Variants in LAMA5 observed in about 807,000 individuals in gnomAD.
The protein encoded by LAMA5 is laminin subunit alpha 5, also known as laminin subunit alpha-5.
Under a neutral mutation model 433.4 loss-of-function variants are expected in LAMA5, and 260 were observed. The observed-to-expected ratio is 0.60, with a 90% CI of 0.54 to 0.66. The LOEUF (loss-of-function observed/expected upper bound fraction) is 0.66, where lower values mean the gene tolerates loss of function less well. LAMA5 is among the 30% of genes least tolerant of loss of function. The pLI, the probability that LAMA5 is intolerant of heterozygous loss-of-function variation, is 0.00. For missense variants in LAMA5, 5,378 were observed against 5,258.5 expected (o/e 1.02, Z -0.70); for synonymous variants, 2,620 against 2,226.6 (o/e 1.18, Z -4.97).
chr20:62,348,644 CATA>C (rs1174259717), intron 6 of LAMA5, among the ~76,000 whole-genome samples: 3 of 151,824 alleles, frequency 2.0e-5, no homozygotes, highest in East Asian at 1.9e-4. Context: ...AAATCTAAAA[CATA>C]ATAATAAAAA....
intron 11 of LAMA5, among the ~76,000 whole-genome samples, chr20:62,344,705 T>C (rs1352705899): frequency 6.6e-6 from 1 of 151,864 alleles, no homozygotes; most frequent in Non-Finnish European, 1.5e-5. Context: ...TGCCTCAGCC[T>C]CCCAAAGTGC....
At chr20:62,365,505 G>T (rs547547936) in intron 1 of LAMA5, among the ~76,000 whole-genome samples, 5 of 152,252 alleles carry the variant, frequency 3.3e-5, no homozygotes, top group Admixed American at 6.5e-5. Context: ...GGCAGGCTGT[G>T]GGGGGGTGGT....
In LAMA5 at chr20:62,309,706, C is replaced by G. The variant is rs758656514; in HGVS notation, c.10948+10G>C. The G allele has an allele frequency of 1.3e-6, 2 of 1,576,918 alleles. No individual in the cohort carries two copies. The highest frequency in any genetic ancestry group is 1.4e-5 in the African/African-American group (1 of 72,146). ...GCAGCTCCCCCACCCTTGATCAAGG[C>G]CGCACTCACCAGGCAGGCCCCCGAG... is the stretch of plus-strand genomic sequence containing the variant. On this transcript the variant is annotated intron_variant, in intron 79 of 79. Coordinates refer to ENST00000252999, the MANE Select transcript of LAMA5 (RefSeq NM_005560.6).
In LAMA5 at chr20:62,319,736, GC is replaced by G; in HGVS notation, c.6818del (p.Gly2273AlafsTer17). The G allele has an allele frequency of 6.5e-7, 1 of 1,549,002 alleles. No homozygotes were observed. The part of the protein sequence containing the change: ...QLLAGTEATL[G>X]HAKTLLAAIR... ...TGGCCGCCAACAGCGTCTTCGCATG[GC>G]CCAGTGTGGCCTCGGTGCCGGCCAG... On this transcript the variant is annotated frameshift_variant, in exon 51 of 80. Coordinates refer to ENST00000252999, the MANE Select transcript of LAMA5 (RefSeq NM_005560.6). LOFTEE classifies it high-confidence loss of function.
At chr20:62,334,893 A>G (rs1981283005) in intron 20 of LAMA5, 128 bp downstream of exon 20, 4 of 863,264 alleles carry the variant, frequency 4.6e-6, no homozygotes, top group African/African-American at 1.7e-5. Context: ...GCTGGCACCA[A>G]GGGGCAGCCA....
In LAMA5 at chr20:62,330,849, G is replaced by C. The variant is rs751199114; in HGVS notation, c.3746C>G (p.Thr1249Ser). 103 of 1,541,602 alleles carry C rather than the reference G, an allele frequency of 6.7e-5. No homozygotes were observed. Among genetic ancestry groups the C allele is most frequent in the South Asian group, 2.0e-4 (17 of 83,234 alleles). ...GGCTGGAGTGAGATCCTGCGCGTGGGTCAGCGGGAGGCCGGGCGGCAGCGG... is the reference window on the plus strand; with the variant it reads ...GGCTGGAGTGAGATCCTGCGCGTGGCTCAGCGGGAGGCCGGGCGGCAGCGG... Reference protein sequence around the residue: ...VIPLPPGLPLTHAQDLTPAMS... With the variant: ...VIPLPPGLPLSHAQDLTPAMS... The change falls in exon 30 of 80, where the codon ACC (threonine) becomes AGC (serine). Residue 1249 changes from threonine (T) to serine (S), a missense_variant. Physicochemically the swap from Thr to Ser is moderately conservative, Grantham distance 58. Coordinates refer to ENST00000252999, the MANE Select transcript of LAMA5 (RefSeq NM_005560.6).
At chr20:62,337,020 G>A (rs1351946993) in intron 16 of LAMA5, 5 of 676,810 alleles carry the variant, frequency 7.4e-6, no homozygotes, top group Admixed American at 4.1e-5. Flanking sequence ...CGTGCACCGC[G>A]TGGGGTACCC....
intron 11 of LAMA5, among the ~76,000 whole-genome samples, chr20:62,343,697 A>T (rs1487354330): frequency 6.8e-6 from 1 of 147,428 alleles, no homozygotes; most frequent in Admixed American, 6.8e-5. Flanking sequence ...AATCACTTGA[A>T]CTCGGGGGGC....
chr20:62,323,994 G>A, intron 43 of LAMA5, 86 bp downstream of exon 43: 3 of 1,425,166 alleles, frequency 2.1e-6, no homozygotes, highest in South Asian at 2.9e-5. Context: ...CCAGGCCTCT[G>A]CAGAGGGCAG....
Position 62,326,807 on chromosome 20 carries a change from C to T in LAMA5, c.5215-47G>A, listed in dbSNP as rs372893636. On this transcript the variant is annotated intron_variant, in intron 39 of 79. Coordinates refer to ENST00000252999, the MANE Select transcript of LAMA5 (RefSeq NM_005560.6). ...TGAGGGTTGGCACGGGCCTGGACCA[C>T]GGTGCCACTGCGCCACGCCCACCCA... 191 of 1,602,960 alleles carry T rather than the reference C, an allele frequency of 1.2e-4. 1 individual carries two copies. The highest frequency in any genetic ancestry group is 1.5e-4 in the Non-Finnish European group (170 of 1,171,332).
At position 62,320,591 on chromosome 20, in the gene LAMA5, G is replaced by A; in HGVS notation, c.6727C>T (p.Leu2243Phe). 2 of 1,605,242 alleles carry A rather than the reference G, an allele frequency of 1.2e-6. No individual in the cohort carries two copies. The highest frequency in any genetic ancestry group is 1.7e-6 in the Non-Finnish European group (2 of 1,178,862). The change falls in exon 50 of 80, where the codon CTC becomes TTC. Residue 2243 changes from leucine (L) to phenylalanine (F), a missense_variant. Coordinates refer to ENST00000252999, the MANE Select transcript of LAMA5 (RefSeq NM_005560.6). Reference sequence around the variant, plus strand: ...CCTAGCCGCCGTGCGTCCTGCCCGAGGCTTGTGCTCTGCTGCTCCAGCACC... The same window carrying A: ...CCTAGCCGCCGTGCGTCCTGCCCGAAGCTTGTGCTCTGCTGCTCCAGCACC... ...LEVLEQQSTSLGQDARRLGGQ... is the reference protein window; with the variant it reads ...LEVLEQQSTSFGQDARRLGGQ...
At position 62,329,071 on chromosome 20, in the gene LAMA5, CGTG is replaced by C; in HGVS notation, c.4236-19_4236-17del. 6.2e-7 allele frequency: 1 copy of C among 1,612,512 alleles called. No individual in the cohort carries two copies. Among genetic ancestry groups the C allele is most frequent in the East Asian group, 2.2e-5 (1 of 44,874 alleles). On this transcript the variant is annotated splice_polypyrimidine_tract_variant and intron_variant, in intron 33 of 79. Transcript: ENST00000252999. ...GCTGCTGGGGCTACATGGAGGGGCA[CGTG>C]GTGAGGCCAGCTCCCGGCCCAGACC... is the stretch of plus-strand genomic sequence containing the variant.
At chr20:62,311,569 G>T in intron 71 of LAMA5, 33 bp from the exon 72 acceptor site, 1 of 1,609,910 alleles carries the variant, frequency 6.2e-7, no homozygotes, top group Non-Finnish European at 8.5e-7. Flanking sequence ...CAGCAGCTGC[G>T]GAAGGCCAGC....
At chr20:62,351,555 G>A (rs1035762926) in intron 6 of LAMA5, 149 bp downstream of exon 6, 14 of 706,232 alleles carry the variant, frequency 2.0e-5, no homozygotes, top group African/African-American at 1.8e-4. Context: ...CACACACGGC[G>A]GTGGTCAGTG....
chr20:62,324,776 C>G lies in LAMA5; in HGVS notation c.5530-222G>C. 1.8e-6 allele frequency: 1 copy of G among 556,888 alleles called. No homozygotes were observed. Among genetic ancestry groups the G allele is most frequent in the East Asian group, 3.0e-5 (1 of 32,864 alleles). 34.5% of individuals were successfully genotyped at this position (556,888 alleles called of 1,614,324 possible). A position where few individuals can be genotyped will look rare whatever the true frequency, so the allele number is the denominator to read the frequency against. Reference sequence around the variant, plus strand: ...CTGTTTGAGGACATAGCTCTCAAAGCCACACGGATGTCCTGTCTCGGGAAT... The same window carrying G: ...CTGTTTGAGGACATAGCTCTCAAAGGCACACGGATGTCCTGTCTCGGGAAT... On this transcript the variant is annotated intron_variant, in intron 41 of 79. Transcript: ENST00000252999. The surrounding 1 kb of genome is among the most constrained non-coding windows in gnomAD (Gnocchi z 4.4).
At position 62,311,974 on chromosome 20, in the gene LAMA5, G is replaced by A. The variant is rs201837442; in HGVS notation, c.9581C>T (p.Ala3194Val). The A allele has an allele frequency of 5.2e-5, 84 of 1,612,688 alleles. No individual in the cohort carries two copies. The highest frequency in any genetic ancestry group is 9.9e-5 in the South Asian group (9 of 91,086). The stretch of plus-strand genomic sequence containing the variant: ...ATGGGGGGCACCATCGGCGAAGCCC[G>A]CTTGAGTTTTCACTTCAGTCCTCAG... ...QLLRTEVKTQAGFADGAPHYV... is the reference protein window; with the variant it reads ...QLLRTEVKTQVGFADGAPHYV... The change falls in exon 70 of 80, where the codon GCG becomes GTG. Residue 3194 changes from alanine (A) to valine (V), a missense_variant. Coordinates refer to ENST00000252999, the MANE Select transcript of LAMA5 (RefSeq NM_005560.6).
chr20:62,353,954 G>C (rs369007637), intron 2 of LAMA5, among the ~76,000 whole-genome samples: 2 of 152,228 alleles, frequency 1.3e-5, no homozygotes, highest in East Asian at 3.9e-4. Context: ...CACCAGCCCA[G>C]GCACTGGGGC....
chr20:62,320,718 G>A, intron 49 of LAMA5, 21 bp downstream of exon 49: 1 of 1,612,434 alleles, frequency 6.2e-7, no homozygotes. Context: ...GTTGGGGAGG[G>A]AAGGCCAGGA....
chr20:62,327,363 T>C lies in LAMA5; in HGVS notation c.4982A>G (p.Gln1661Arg), dbSNP rs1489367135. The change falls in exon 38 of 80, where the codon CAG becomes CGG. Residue 1661 changes from glutamine (Q) to arginine (R), a missense_variant. Physicochemically the swap from Gln to Arg is conservative, Grantham distance 43. Transcript: ENST00000252999. The stretch of plus-strand genomic sequence containing the variant: ...TGGCTGCCGCTCGTGGGGCACCACC[T>C]GCCGGTCAGTGCTCAGCAGCACCCA... ...EGWVLLSTDRQVVPHERQPGT... is the reference protein window; with the variant it reads ...EGWVLLSTDRRVVPHERQPGT... 1.3e-6 allele frequency: 2 copies of C among 1,598,242 alleles called. No individual in the cohort carries two copies.
Sources: gnomAD v4.1 joint callset for allele counts (sites outside exome capture counted in the v4.1 genomes callset) on GRCh38, gnomAD v4.1.1 for gene constraint, Gnocchi (gnomAD v3.1) non-coding constraint, MANE v1.5 for transcripts, NCBI Gene and HGNC (gene_info 2026-07-23, HGNC 2026-07-21) for gene names.